SNX3: variants seen among roughly 807,000 people sequenced by gnomAD.
SNX3 encodes the protein sorting nexin 3, also known as sorting nexin-3.
In SNX3, 5 loss-of-function variants were observed where a neutral mutation model predicts 17.7. The observed-to-expected ratio is 0.28, with a 90% CI of 0.15 to 0.59. The LOEUF is 0.59. SNX3 is among the 20% of genes least tolerant of loss of function. The pLI, the probability that SNX3 is intolerant of heterozygous loss-of-function variation, is 0.88. For missense variants in SNX3, 132 were observed against 206.8 expected, an observed-to-expected ratio of 0.64 and a Z score of 2.22; for synonymous variants, 91 against 76.5, an observed-to-expected ratio of 1.19 and a Z score of -0.99.
At chr6:108,252,689 T>G (rs1775900906) in intron 1 of SNX3, among the ~76,000 whole-genome samples, 1 of 152,132 alleles carries the variant, frequency 6.6e-6, no homozygotes, top group South Asian at 2.1e-4. Context: ...CTCTTTTTTT[T>G]TGGCACAGAG....
intron 1 of SNX3, among the ~76,000 whole-genome samples, chr6:108,225,775 C>G (rs571087695): frequency 6.6e-6 from 1 of 152,170 alleles, no homozygotes; most frequent in African/African-American, 2.4e-5. Flanking sequence ...GTGGCTCATG[C>G]CTGTAATCCT....
chr6:108,258,844 CTAAGG>C (rs1776105745), intron 1 of SNX3, among the ~76,000 whole-genome samples: 1 of 151,596 alleles, frequency 6.6e-6, no homozygotes. Flanking sequence ...CAGCTATTTG[CTAAGG>C]TATTAGGTGT....
intron 2 of SNX3, among the ~76,000 whole-genome samples, chr6:108,219,303 C>T (rs761931140): frequency 1.4e-4 from 21 of 151,846 alleles, no homozygotes; most frequent in African/African-American, 5.1e-4. Context: ...AGCCCAAAGC[C>T]TATGTATCAA....
intron 2 of SNX3, among the ~76,000 whole-genome samples, chr6:108,220,708 T>C (rs893042716): frequency 1.3e-5 from 2 of 152,190 alleles, no homozygotes; most frequent in Non-Finnish European, 2.9e-5. Flanking sequence ...TCAGGCACAG[T>C]GGCTCACACC....
chr6:108,244,424 G>A (rs545392061), intron 1 of SNX3, among the ~76,000 whole-genome samples: 3 of 152,178 alleles, frequency 2.0e-5, no homozygotes, highest in African/African-American at 7.2e-5. Flanking sequence ...CAAAGTGCTG[G>A]CATTACAGGA....
chr6:108,224,467 A>T (rs190764101), intron 1 of SNX3, among the ~76,000 whole-genome samples: 1 of 152,026 alleles, frequency 6.6e-6, no homozygotes, highest in Admixed American at 6.6e-5. Context: ...TTTTTAGTGG[A>T]GAGGGGGTTT....
chr6:108,226,046 CA>C (rs35559458), intron 1 of SNX3, among the ~76,000 whole-genome samples: 3,142 of 63,246 alleles, frequency 0.05, 43 homozygotes, highest in Middle Eastern at 0.12. Flanking sequence ...CCCTCTCTCT[CA>C]AAAAAAAAAA....
chr6:108,225,131 A>T (rs1163705153), intron 1 of SNX3, among the ~76,000 whole-genome samples: 1 of 152,124 alleles, frequency 6.6e-6, no homozygotes, highest in African/African-American at 2.4e-5. Context: ...AATACAAAAA[A>T]ACCAGCCAGA....
chr6:108,221,772 T>C (rs1052660929), intron 2 of SNX3, among the ~76,000 whole-genome samples: 2 of 152,074 alleles, frequency 1.3e-5, no homozygotes, highest in African/African-American at 4.8e-5. Flanking sequence ...CTCGAACTCC[T>C]TGGCTTAAGT....
At chr6:108,214,768 T>A in intron 2 of SNX3, 146 bp from the exon 3 acceptor site, 1 of 789,580 alleles carries the variant, frequency 1.3e-6, no homozygotes, top group Non-Finnish European at 1.9e-6. Flanking sequence ...AAAAATACAC[T>A]GAAAAAAGAC....
rs376282112 is a variant in SNX3, at chr6:108,256,723, G to C, written c.162+4037C>G. 2.3e-4 allele frequency among the ~76,000 whole-genome samples: 35 copies of C among 152,300 alleles called. 1 individual carries two copies. In the South Asian group the frequency reaches 7.0e-3, roughly 31 times the overall value. On this transcript the variant is annotated intron_variant, in intron 1 of 3. Transcript: ENST00000230085. ...ATCTTGATTAACTTAAAAATCTCCA[G>C]AATATTAAAGTTATATTACAGCACA...
chr6:108,230,655 G>A (rs566781904), intron 1 of SNX3, among the ~76,000 whole-genome samples: 2 of 152,170 alleles, frequency 1.3e-5, no homozygotes, highest in Non-Finnish European at 2.9e-5. Flanking sequence ...GAGTTCAAAA[G>A]TTCTGCAAAT....
At chr6:108,217,521 A>G (rs1774624828) in intron 2 of SNX3, among the ~76,000 whole-genome samples, 2 of 152,106 alleles carry the variant, frequency 1.3e-5, no homozygotes, top group Admixed American at 1.3e-4. Context: ...TCAGGAGGCC[A>G]AGGTGGGTGG....
intron 1 of SNX3, among the ~76,000 whole-genome samples, chr6:108,247,833 C>T (rs1249496856): frequency 1.3e-5 from 2 of 152,102 alleles, no homozygotes; most frequent in East Asian, 3.9e-4. Context: ...TGTGGTGGCT[C>T]ATGCCTGTAA....
At chr6:108,236,354 GT>G (rs1274079341) in intron 1 of SNX3, among the ~76,000 whole-genome samples, 1 of 146,180 alleles carries the variant, frequency 6.8e-6, no homozygotes, top group African/African-American at 2.5e-5. Flanking sequence ...ATATAAAACA[GT>G]TTCCACCTAT....
intron 1 of SNX3, among the ~76,000 whole-genome samples, chr6:108,238,635 T>A (rs1775427224): frequency 6.6e-6 from 1 of 152,142 alleles, no homozygotes; most frequent in African/African-American, 2.4e-5. Context: ...TTAAAAAGTG[T>A]CCAAGTTTTC....
intron 1 of SNX3, among the ~76,000 whole-genome samples, chr6:108,232,472 T>A (rs966712192): frequency 6.6e-6 from 1 of 152,096 alleles, no homozygotes; most frequent in Non-Finnish European, 1.5e-5. Context: ...GCTGACCTAT[T>A]AAAGTCAGCA....
chr6:108,232,449 T>C (rs1338338203), intron 1 of SNX3, among the ~76,000 whole-genome samples: 4 of 152,144 alleles, frequency 2.6e-5, no homozygotes, highest in Admixed American at 6.6e-5. Flanking sequence ...GTAGGTCTTA[T>C]ACACTTACAC....
intron 1 of SNX3, among the ~76,000 whole-genome samples, chr6:108,244,083 TAAA>T (rs2114751403): frequency 6.6e-6 from 1 of 152,162 alleles, no homozygotes; most frequent in East Asian, 1.9e-4. Context: ...CAAAAAGACA[TAAA>T]GAACTACTTT....
Sources: allele counts gnomAD v4.1 joint callset (sites outside exome capture counted in the v4.1 genomes callset), GRCh38; gene constraint gnomAD v4.1.1; transcripts MANE v1.5; gene names NCBI Gene and HGNC (gene_info 2026-07-23, HGNC 2026-07-21).